Variants in CADPS2 observed in about 807,000 individuals in gnomAD.
The protein encoded by CADPS2 is calcium dependent secretion activator 2, also known as calcium-dependent secretion activator 2.
A neutral mutation model predicts 172.5 loss-of-function variants in CADPS2; 93 were observed. The observed-to-expected ratio is 0.54, with a 90% CI of 0.46 to 0.64. CADPS2 has a LOEUF of 0.64. Ranked by LOEUF, CADPS2 falls within the 30% of genes least tolerant of loss-of-function variation. CADPS2 has a pLI of 0.00. For missense variants in CADPS2, 1,420 were observed against 1,565.9 expected (o/e 0.91, Z 1.57); for synonymous variants, 546 against 555.2 (o/e 0.98, Z 0.23).
At chr7:122,850,203 C>A in intron 1 of CADPS2, 2 of 1,108,250 alleles carry the variant, frequency 1.8e-6, no homozygotes. Context: ...TACCCTGAGG[C>A]TATAACTCGC....
At chr7:122,885,517 T>TAGC (rs1824101637) in intron 1 of CADPS2, among the ~76,000 whole-genome samples, 1 of 152,166 alleles carries the variant, frequency 6.6e-6, no homozygotes, top group Admixed American at 6.5e-5. Context: ...TCTACCCCTC[T>TAGC]TAAGTGAAGA....
intron 28 of CADPS2, among the ~76,000 whole-genome samples, chr7:122,341,337 C>T (rs2036758772): frequency 6.6e-6 from 1 of 152,120 alleles, no homozygotes; most frequent in Admixed American, 6.6e-5. Flanking sequence ...ACCCTTTATG[C>T]AATCAGTCCA....
At chr7:122,412,293 C>T (rs898548154) in intron 19 of CADPS2, among the ~76,000 whole-genome samples, 1 of 152,230 alleles carries the variant, frequency 6.6e-6, no homozygotes. Context: ...GACAGGAAAT[C>T]GATTTTGTTC....
At chr7:122,506,739 A>C (rs990602052) in intron 9 of CADPS2, among the ~76,000 whole-genome samples, 2 of 150,992 alleles carry the variant, frequency 1.3e-5, no homozygotes, top group South Asian at 2.1e-4. Context: ...AAAAAAAAAA[A>C]AAAACAAACA....
At chr7:122,372,045 C>G (rs542246282) in intron 25 of CADPS2, among the ~76,000 whole-genome samples, 1 of 152,258 alleles carries the variant, frequency 6.6e-6, no homozygotes, top group African/African-American at 2.4e-5. Flanking sequence ...TTCTAAGACT[C>G]TATCTGTATT....
chr7:122,465,594 G>A (rs555246375), intron 14 of CADPS2, among the ~76,000 whole-genome samples: 1 of 152,296 alleles, frequency 6.6e-6, no homozygotes, highest in African/African-American at 2.4e-5. Context: ...GAGAATCTAA[G>A]TAATGCCTGA....
chr7:122,876,617 C>A lies in CADPS2; in HGVS notation c.339+9382G>T, dbSNP rs777096242. On this transcript the variant is annotated intron_variant, in intron 1 of 29. Coordinates refer to ENST00000449022, the MANE Select transcript of CADPS2 (RefSeq NM_017954.11). Reference sequence around the variant, plus strand: ...GGCTTAAGTGATCCTTCTACCCCAGCCTCCCAAAATGCTGGGATTACATGT... The same window carrying A: ...GGCTTAAGTGATCCTTCTACCCCAGACTCCCAAAATGCTGGGATTACATGT... Among the ~76,000 whole-genome samples, 107 of 152,052 alleles carry A rather than the reference C, an allele frequency of 7.0e-4. 2 individuals are homozygous for A. Among genetic ancestry groups the A allele is most frequent in the Non-Finnish European group, 4.7e-4 (32 of 68,016 alleles).
chr7:122,647,639 A>G (rs1415927451), intron 3 of CADPS2, among the ~76,000 whole-genome samples: 1 of 152,194 alleles, frequency 6.6e-6, no homozygotes, highest in Non-Finnish European at 1.5e-5. Context: ...ATAATTTAAG[A>G]TATTTTGAAC....
In CADPS2 at chr7:122,705,975, A is replaced by T. The variant is rs1302402716; in HGVS notation, c.453+30980T>A. On this transcript the variant is annotated intron_variant, in intron 2 of 29. Transcript: ENST00000449022. ...TATAATATATATATAATATAATATAATATATAATATTATATATTATATAAT... is the reference window on the plus strand; with the variant it reads ...TATAATATATATATAATATAATATATTATATAATATTATATATTATATAAT... 5.7e-5 allele frequency among the ~76,000 whole-genome samples: 4 copies of T among 69,858 alleles called. 1 individual carries two copies. The highest frequency in any genetic ancestry group is 2.5e-4 in the African/African-American group (4 of 15,820). The allele number at this position is 69,858 out of a possible 152,430, so 45.8% of individuals were successfully genotyped here. A position where few individuals can be genotyped will look rare whatever the true frequency, so the allele number is the denominator to read the frequency against.
At chr7:122,839,386 A>G (rs1809658662) in intron 1 of CADPS2, among the ~76,000 whole-genome samples, 3 of 152,322 alleles carry the variant, frequency 2.0e-5, no homozygotes, top group South Asian at 2.1e-4. Context: ...CTTCATGTCT[A>G]AAACACCAAA....
chr7:122,708,983 A>C (rs1342376601), intron 2 of CADPS2, among the ~76,000 whole-genome samples: 6 of 152,066 alleles, frequency 3.9e-5, no homozygotes, highest in African/African-American at 1.4e-4. Context: ...ATGTATCTTC[A>C]TATTAACTCA....
At chr7:122,589,448 G>C (rs1442003702) in intron 6 of CADPS2, among the ~76,000 whole-genome samples, 2 of 151,860 alleles carry the variant, frequency 1.3e-5, no homozygotes, top group Non-Finnish European at 2.9e-5. Context: ...AGGCAGTCTT[G>C]TGGAAAACTC....
At chr7:122,543,098 T>A (rs1043057853) in intron 8 of CADPS2, among the ~76,000 whole-genome samples, 2 of 151,982 alleles carry the variant, frequency 1.3e-5, no homozygotes, top group African/African-American at 4.8e-5. Flanking sequence ...AATTCTGGTA[T>A]AAGGATATTT....
chr7:122,607,556 C>T (rs562892675), intron 6 of CADPS2, among the ~76,000 whole-genome samples: 31 of 152,152 alleles, frequency 2.0e-4, no homozygotes, highest in Non-Finnish European at 4.4e-4. Flanking sequence ...AATCATAATT[C>T]TATAAACTTT....
chr7:122,505,150 A>G (rs1021675748), intron 9 of CADPS2, among the ~76,000 whole-genome samples: 1 of 152,192 alleles, frequency 6.6e-6, no homozygotes, highest in Non-Finnish European at 1.5e-5. Context: ...GTTAAAGAGT[A>G]CAGACTTGAT....
chr7:122,653,509 T>C (rs2079403160), intron 3 of CADPS2, among the ~76,000 whole-genome samples: 1 of 152,230 alleles, frequency 6.6e-6, no homozygotes, highest in Admixed American at 6.5e-5. Context: ...TTATCTTTTC[T>C]TTTTAACCTT....
intron 17 of CADPS2, 68 bp downstream of exon 17, chr7:122,438,273 A>G (rs2050905796): frequency 1.9e-6 from 3 of 1,590,610 alleles, no homozygotes; most frequent in Non-Finnish European, 2.6e-6. Context: ...AGGACTTCTC[A>G]TAGAAAATTC....
intron 1 of CADPS2, among the ~76,000 whole-genome samples, chr7:122,854,803 G>T (rs1345618143): frequency 1.3e-5 from 2 of 152,106 alleles, no homozygotes; most frequent in Non-Finnish European, 2.9e-5. Flanking sequence ...CGAGGAACAG[G>T]TACTCTCACT....
chr7:122,399,479 C>T (rs2045603029), intron 20 of CADPS2, among the ~76,000 whole-genome samples: 1 of 151,936 alleles, frequency 6.6e-6, no homozygotes, highest in African/African-American at 2.4e-5. Context: ...TCCAGCAGTC[C>T]TCATGCTGTT....
Sources: allele counts gnomAD v4.1 joint callset (sites outside exome capture counted in the v4.1 genomes callset), GRCh38; gene constraint gnomAD v4.1.1; transcripts MANE v1.5; gene names NCBI Gene and HGNC (gene_info 2026-07-23, HGNC 2026-07-21).